The following TTK variants were observed in gnomAD, a reference collection of about 807,000 sequenced individuals.
TTK encodes the protein TTK protein kinase.
Under a neutral mutation model 117.3 loss-of-function variants are expected in TTK, and 59 were observed. The ratio of observed to expected loss-of-function variants is 0.50; its 90% confidence interval spans 0.41 to 0.62. The LOEUF (loss-of-function observed/expected upper bound fraction) is 0.62. Ranked by LOEUF, TTK falls within the 20% of genes least tolerant of loss-of-function variation. The pLI is 0.00. For synonymous variants in TTK, 302 were observed against 325.0 expected, an observed-to-expected ratio of 0.93 and a Z score of 0.76; for missense variants, 921 against 989.4, an observed-to-expected ratio of 0.93 and a Z score of 0.93.
intron 14 of TTK, 109 bp from the exon 15 acceptor site, chr6:80,034,876 C>A: frequency 1.1e-6 from 1 of 949,904 alleles, no homozygotes; most frequent in Non-Finnish European, 1.4e-6. Flanking sequence ...ATGTTCATGT[C>A]AGTATTTCCT....
chr6:80,039,739 A>G lies in TTK; in HGVS notation c.2174A>G (p.Tyr725Cys). 6.3e-7 allele frequency: 1 copy of G among 1,582,984 alleles called. No individual in the cohort carries two copies. The highest frequency in any genetic ancestry group is 8.6e-7 in the Non-Finnish European group (1 of 1,166,478). Residue 725 changes from tyrosine (Y) to cysteine (C), a missense_variant, in exon 19 of 22, where the codon TAC becomes TGC. By Grantham distance (194) the Tyr-to-Cys change is radical. Coordinates refer to ENST00000369798, the MANE Select transcript of TTK (RefSeq NM_003318.5). ...SDVWSLGCIL[Y>C]YMTYGKTPFQ... ...GTTTGGTCCTTAGGATGTATTTTGTACTATATGACTTACGGGAAAACACCA... is the reference window on the plus strand; with the variant it reads ...GTTTGGTCCTTAGGATGTATTTTGTGCTATATGACTTACGGGAAAACACCA...
At chr6:80,027,103 T>C (rs1409961029) in intron 12 of TTK, among the ~76,000 whole-genome samples, 1 of 152,198 alleles carries the variant, frequency 6.6e-6, no homozygotes, top group African/African-American at 2.4e-5. Context: ...AGGGATGCGA[T>C]ACATTATAAC....
rs762703407 is a variant in TTK at position 80,011,818 on chromosome 6, C to T, written c.801+17C>T. 6.2e-7 allele frequency: 1 copy of T among 1,612,408 alleles called. No individual in the cohort carries two copies. On this transcript the variant is annotated intron_variant, in intron 7 of 21. Coordinates refer to ENST00000369798, the MANE Select transcript of TTK (RefSeq NM_003318.5). ...ACTAAACAGGTAAGTTACTTTCAAT[C>T]TGCTTGATTAAGGTGGTGATAGTCT...
At chr6:80,031,170 TTTATATATATTTTTAAGC>T (rs1767750964) in intron 13 of TTK, among the ~76,000 whole-genome samples, 1 of 151,010 alleles carries the variant, frequency 6.6e-6, no homozygotes, top group Non-Finnish European at 1.5e-5. Flanking sequence ...ATATTTTATT[TTTATATATATTTTTAAGC>T]TTATAAGTTT....
At chr6:80,021,520 G>A (rs942013869) in intron 10 of TTK, among the ~76,000 whole-genome samples, 1 of 152,196 alleles carries the variant, frequency 6.6e-6, no homozygotes, top group South Asian at 2.1e-4. Context: ...AAGGAAAACA[G>A]TTTTATTAAT....
At position 80,008,036 on chromosome 6, in the gene TTK, G is replaced by A; in HGVS notation, c.362+5G>A. 1.9e-6 allele frequency: 3 copies of A among 1,612,302 alleles called. No homozygotes were observed. Among genetic ancestry groups the A allele is most frequent in the Non-Finnish European group, 2.5e-6 (3 of 1,179,112 alleles). ...GAGATTTGCTGAATTAAAAGCGTAA[G>A]TATTAGCATTTTAACTATGTTCAAC... On this transcript the variant is annotated splice_donor_5th_base_variant and intron_variant, in intron 3 of 21. Coordinates refer to ENST00000369798, the MANE Select transcript of TTK (RefSeq NM_003318.5).
intron 14 of TTK, 51 bp downstream of exon 14, chr6:80,031,610 T>TA (rs747108546): frequency 3.7e-6 from 5 of 1,366,850 alleles, no homozygotes; most frequent in East Asian, 2.9e-5. Context: ...TTAAACTTTC[T>TA]GTTTTTTTGT....
Position 80,008,025 on chromosome 6 carries a change from T to TA in TTK, c.360dup (p.Ala121SerfsTer7). 2 of 1,613,238 alleles carry TA rather than the reference T, an allele frequency of 1.2e-6. No individual in the cohort carries two copies. The highest frequency in any genetic ancestry group is 1.7e-6 in the Non-Finnish European group (2 of 1,179,472). On this transcript the variant is annotated frameshift_variant, in exon 3 of 22. Transcript: ENST00000369798. LOFTEE classifies it high-confidence loss of function. ...AGAATTCAAGTGAGATTTGCTGAAT[T>TA]AAAAGCGTAAGTATTAGCATTTTAA...
In TTK at chr6:80,031,523, C is replaced by T. The variant is rs1464922072; in HGVS notation, c.1578C>T (p.Ser526=). The part of the protein sequence containing the change: ...ECISVKGRIY[S]ILKQIGSGGS... ...TTTCGGTTAAAGGAAGAATTTATTC[C>T]ATATTAAAGCAGATAGGAAGTGGAG... The change falls in exon 14 of 22, where the codon TCC becomes TCT. Residue 526 remains serine (S), a synonymous_variant. Transcript: ENST00000369798. 2 of 1,529,854 alleles carry T rather than the reference C, an allele frequency of 1.3e-6. No individual in the cohort carries two copies. The highest frequency in any genetic ancestry group is 1.4e-5 in the South Asian group (1 of 72,824). The allele number at this position is 1,529,854 out of a possible 1,614,324, so 94.8% of individuals were successfully genotyped here.
At chr6:80,016,719 A>G (rs1177798085) in intron 10 of TTK, among the ~76,000 whole-genome samples, 1 of 152,174 alleles carries the variant, frequency 6.6e-6, no homozygotes, top group East Asian at 1.9e-4. Context: ...AAATGCAAGA[A>G]CGATTAACAA....
intron 18 of TTK, among the ~76,000 whole-genome samples, chr6:80,039,491 A>C (rs1008386564): frequency 2.0e-5 from 3 of 151,898 alleles, no homozygotes; most frequent in African/African-American, 7.2e-5. Flanking sequence ...GGTTATAGAA[A>C]GATTTAAAGT....
In TTK at chr6:80,006,252, T is replaced by C. The variant is rs1379928263; in HGVS notation, c.139+270T>C. 1.5e-5 allele frequency: 6 copies of C among 398,806 alleles called. No individual in the cohort carries two copies. In the East Asian group the frequency reaches 3.8e-4, roughly 25 times the overall value. 24.7% of individuals were successfully genotyped at this position (398,806 alleles called of 1,614,324 possible). A position where few individuals can be genotyped will look rare whatever the true frequency, so the allele number is the denominator to read the frequency against. ...CCAGAGTTTAATACTCTAGCTCTTCTAAAAGTATTAGCTCAGAAGCCTGAT... is the reference window on the plus strand; with the variant it reads ...CCAGAGTTTAATACTCTAGCTCTTCCAAAAGTATTAGCTCAGAAGCCTGAT... On this transcript the variant is annotated intron_variant, in intron 2 of 21. Coordinates refer to ENST00000369798, the MANE Select transcript of TTK (RefSeq NM_003318.5).
intron 17 of TTK, 37 bp from the exon 18 acceptor site, chr6:80,037,930 T>C: frequency 7.5e-7 from 1 of 1,337,594 alleles, no homozygotes; most frequent in South Asian, 1.7e-5. Flanking sequence ...AATTAAATAT[T>C]TTCATTGATT....
At chr6:80,010,519 C>T (rs1405578711) in intron 4 of TTK, among the ~76,000 whole-genome samples, 2 of 150,908 alleles carry the variant, frequency 1.3e-5, no homozygotes, top group Non-Finnish European at 3.0e-5. Context: ...CTTTGTTACA[C>T]TTCTGTTACT....
intron 13 of TTK, among the ~76,000 whole-genome samples, chr6:80,028,411 A>G (rs1767666027): frequency 6.6e-6 from 1 of 151,776 alleles, no homozygotes; most frequent in South Asian, 2.1e-4. Context: ...TCTGCTTCCC[A>G]GGTTCAAGCG....
At chr6:80,006,616 A>G (rs1767001548) in intron 2 of TTK, among the ~76,000 whole-genome samples, 2 of 152,166 alleles carry the variant, frequency 1.3e-5, no homozygotes. Context: ...GCTACATTGT[A>G]ATGCATGCTG....
At chr6:80,008,637 C>T (rs1030253147) in intron 4 of TTK, 145 bp downstream of exon 4, 1 of 611,750 alleles carries the variant, frequency 1.6e-6, no homozygotes, top group South Asian at 2.5e-5. Context: ...GAGAAAATGC[C>T]ACCTAAATGT....
At chr6:80,026,590 C>G in intron 12 of TTK, 76 bp downstream of exon 12, 1 of 1,572,090 alleles carries the variant, frequency 6.4e-7, no homozygotes, top group Non-Finnish European at 8.6e-7. Context: ...CCAAATAAAT[C>G]TGGGATTAAA....
intron 10 of TTK, among the ~76,000 whole-genome samples, chr6:80,019,681 G>T (rs572935938): frequency 7.2e-5 from 11 of 152,090 alleles, no homozygotes; most frequent in Non-Finnish European, 1.2e-4. Context: ...ATATTTTGCC[G>T]ATAACTCAGA....
Sources: allele counts gnomAD v4.1 joint callset (sites outside exome capture counted in the v4.1 genomes callset), GRCh38; gene constraint gnomAD v4.1.1; transcripts MANE v1.5; gene names NCBI Gene and HGNC (gene_info 2026-07-23, HGNC 2026-07-21).